NEDD4: variants seen among roughly 807,000 people sequenced by gnomAD.
NEDD4 encodes the protein E3 ubiquitin-protein ligase NEDD4.
A neutral mutation model predicts 144.9 loss-of-function variants in NEDD4; 99 were observed. That is an observed-to-expected ratio of 0.68 (90% CI 0.58 to 0.81). The LOEUF is 0.81. Ranked by LOEUF, NEDD4 falls within the 30% of genes least tolerant of loss-of-function variation. NEDD4 has a pLI of 0.00. For missense variants in NEDD4, 985 were observed against 1,065.9 expected (o/e 0.92, Z 1.06); for synonymous variants, 318 against 350.6 (o/e 0.91, Z 1.04).
intron 4 of NEDD4, among the ~76,000 whole-genome samples, chr15:55,924,986 T>A (rs2036635997): frequency 6.6e-6 from 1 of 152,220 alleles, no homozygotes; most frequent in Admixed American, 6.5e-5. Flanking sequence ...GAAAATCGCT[T>A]CAACCTGGGA....
chr15:55,947,172 G>GGA (rs1339878974), intron 4 of NEDD4, among the ~76,000 whole-genome samples: 3 of 152,242 alleles, frequency 2.0e-5, no homozygotes, highest in South Asian at 4.1e-4. Context: ...CAGAACTCAA[G>GGA]GAGAGAGAGA....
At chr15:55,897,598 C>G (rs2035779187) in intron 5 of NEDD4, among the ~76,000 whole-genome samples, 1 of 152,180 alleles carries the variant, frequency 6.6e-6, no homozygotes, top group African/African-American at 2.4e-5. Context: ...CTGCTCAACT[C>G]CCTGCAATCT....
At chr15:55,852,274 G>A (rs2142011143) in intron 13 of NEDD4, 150 bp downstream of exon 13, 11 of 828,994 alleles carry the variant, frequency 1.3e-5, no homozygotes, top group Non-Finnish European at 1.5e-5. Flanking sequence ...CAGCCTGGGC[G>A]ACAATACTGA....
chr15:55,967,929 C>T (rs1451533331), intron 1 of NEDD4, among the ~76,000 whole-genome samples: 1 of 151,978 alleles, frequency 6.6e-6, no homozygotes, highest in African/African-American at 2.4e-5. Flanking sequence ...AGGAGGATTG[C>T]CTGAATTTGA....
intron 5 of NEDD4, among the ~76,000 whole-genome samples, chr15:55,884,185 G>A (rs1194860818): frequency 6.6e-6 from 1 of 152,048 alleles, no homozygotes; most frequent in African/African-American, 2.4e-5. Flanking sequence ...TGGTCCCAAG[G>A]TGGTACTTCT....
At chr15:55,874,703 G>T (rs2034926878) in intron 5 of NEDD4, among the ~76,000 whole-genome samples, 1 of 152,204 alleles carries the variant, frequency 6.6e-6, no homozygotes, top group Admixed American at 6.5e-5. Context: ...ACTGGGCATG[G>T]AGGCTTACAC....
At chr15:55,981,356 C>T (rs1190246474) in intron 1 of NEDD4, among the ~76,000 whole-genome samples, 16 of 141,892 alleles carry the variant, frequency 1.1e-4, no homozygotes, top group East Asian at 2.1e-4. Flanking sequence ...TGAGCCACCA[C>T]GCCCGGCCTC....
intron 5 of NEDD4, chr15:55,917,155 C>G: frequency 9.3e-7 from 1 of 1,080,276 alleles, no homozygotes; most frequent in Non-Finnish European, 1.1e-6. Context: ...CACAGCCAAC[C>G]TTGTTTCAAT....
At chr15:55,917,034 T>C in intron 5 of NEDD4, 1 of 1,302,968 alleles carries the variant, frequency 7.7e-7, no homozygotes, top group Non-Finnish European at 9.7e-7. Context: ...TTCCAGAGAC[T>C]GACGTTTCCA....
chr15:55,966,696 C>A (rs12437795), intron 1 of NEDD4, 150 bp from the exon 2 acceptor site: 1 of 432,334 alleles, frequency 2.3e-6, no homozygotes. Context: ...AAAAGTTACA[C>A]GGGAAAAAAA....
At chr15:55,928,594 T>G (rs2036720694) in intron 4 of NEDD4, among the ~76,000 whole-genome samples, 1 of 152,224 alleles carries the variant, frequency 6.6e-6, no homozygotes, top group Non-Finnish European at 1.5e-5. Flanking sequence ...TTTGTACTTC[T>G]GAGCATGTTA....
intron 7 of NEDD4, 92 bp downstream of exon 7, chr15:55,872,323 G>C (rs117863613): frequency 0.018 from 7,223 of 412,512 alleles, 84 homozygotes; most frequent in Non-Finnish European, 0.024. Context: ...TATTTACAGA[G>C]GTTTAAACCC....
rs773982650 is a variant in NEDD4 at position 55,993,558 on chromosome 15, C to G, written c.-3G>C. The G allele has an allele frequency of 6.3e-7, 1 of 1,593,870 alleles. No homozygotes were observed. Among genetic ancestry groups the G allele is most frequent in the African/African-American group, 1.4e-5 (1 of 72,702 alleles). ...ACCTCCACCGCGCAAGTTGCCATTT[C>G]CGAACGCTTCCAGCAAACCGGACGC... On this transcript the variant is annotated 5_prime_UTR_variant, in exon 1 of 29. Coordinates refer to ENST00000435532, the MANE Select transcript of NEDD4 (RefSeq NM_006154.4).
chr15:55,946,960 G>A (rs2037126966), intron 4 of NEDD4, among the ~76,000 whole-genome samples: 1 of 152,150 alleles, frequency 6.6e-6, no homozygotes, highest in Non-Finnish European at 1.5e-5. Context: ...TGAAACCAAT[G>A]AGAACAAAGA....
chr15:55,839,973 C>CA lies in NEDD4; in HGVS notation c.2031+473dup, dbSNP rs1157411288. 8.3e-4 allele frequency among the ~76,000 whole-genome samples: 10 copies of CA among 12,108 alleles called. 1 individual carries two copies. The highest frequency in any genetic ancestry group is 1.0e-3 in the Non-Finnish European group (8 of 7,982). 7.9% of individuals were successfully genotyped at this position (12,108 alleles called of 152,430 possible). A position where few individuals can be genotyped will look rare whatever the true frequency, so the allele number is the denominator to read the frequency against. ...TTGGCAACAGAGTGACACTCTGTCT[C>CA]AAAAAAAAAAAAAAAAAAAAAAAAA... On this transcript the variant is annotated intron_variant, in intron 21 of 28. Transcript: ENST00000435532.
Position 55,953,222 on chromosome 15 carries a change from T to A in NEDD4, c.120-1633A>T, listed in dbSNP as rs181161120. Among the ~76,000 whole-genome samples the A allele has an allele frequency of 9.6e-3, 1,458 of 152,152 alleles. 10 individuals carry two copies. The highest frequency in any genetic ancestry group is 0.024 in the Middle Eastern group (7 of 294). On this transcript the variant is annotated intron_variant, in intron 2 of 28. Coordinates refer to ENST00000435532, the MANE Select transcript of NEDD4 (RefSeq NM_006154.4). The stretch of plus-strand genomic sequence containing the variant: ...CCAGGATGGTCTTGAACTCCTGACC[T>A]CAGGTGATCCGCCCGCCTTGGCTCC...
intron 5 of NEDD4, among the ~76,000 whole-genome samples, chr15:55,899,084 C>A (rs192107161): frequency 6.6e-6 from 1 of 152,296 alleles, no homozygotes; most frequent in Admixed American, 6.5e-5. Flanking sequence ...AAACACACTG[C>A]AAGAAGTATG....
chr15:55,872,772 C>A (rs1400886257), intron 6 of NEDD4, among the ~76,000 whole-genome samples: 1 of 151,852 alleles, frequency 6.6e-6, no homozygotes, highest in African/African-American at 2.4e-5. Flanking sequence ...TGTTAACATC[C>A]CAAAAGAACA....
At chr15:55,885,297 T>TA (rs1366193804) in intron 5 of NEDD4, among the ~76,000 whole-genome samples, 1 of 152,084 alleles carries the variant, frequency 6.6e-6, no homozygotes, top group Non-Finnish European at 1.5e-5. Flanking sequence ...CAAGAAATGC[T>TA]AAAGGGAGTT....
Sources: allele counts gnomAD v4.1 joint callset (sites outside exome capture counted in the v4.1 genomes callset), GRCh38; gene constraint gnomAD v4.1.1; transcripts MANE v1.5; gene names NCBI Gene and HGNC (gene_info 2026-07-23, HGNC 2026-07-21).